CPHXL2: variants seen among roughly 807,000 people sequenced by gnomAD.
CPHXL2 encodes the protein cytoplasmic polyadenylated homeobox like 2.
the CPHXL2 span, among the ~76,000 whole-genome samples, chr16:75,661,945 TG>T: frequency 6.6e-6 from 1 of 152,140 alleles, no homozygotes; most frequent in East Asian, 1.9e-4. Context: ...ACCAGCTGGG[TG>T]TCCTCCAATT....
At chr16:75,661,200 C>G in the CPHXL2 span, 6 of 400,758 alleles carry the variant, frequency 1.5e-5, no homozygotes, top group East Asian at 1.4e-4. Flanking sequence ...AAGAAATATT[C>G]TTTGTCTTTC....
the CPHXL2 span, among the ~76,000 whole-genome samples, chr16:75,664,061 C>T: frequency 6.7e-4 from 102 of 152,248 alleles, no homozygotes; most frequent in Non-Finnish European, 1.2e-3. Flanking sequence ...ACTCTTTCAA[C>T]TAACTACCAA....
chr16:75,673,808 G>A, the CPHXL2 span, among the ~76,000 whole-genome samples: 1 of 151,100 alleles, frequency 6.6e-6, no homozygotes, highest in African/African-American at 2.4e-5. Context: ...GCAAAACCCT[G>A]TCTCTACCAA....
the CPHXL2 span, among the ~76,000 whole-genome samples, chr16:75,663,841 G>A: frequency 6.9e-6 from 1 of 144,488 alleles, no homozygotes; most frequent in Non-Finnish European, 1.5e-5. Context: ...AGCTGAGATC[G>A]TGCCACTGCA....
chr16:75,675,586 G>A, the CPHXL2 span, among the ~76,000 whole-genome samples: 2,253 of 152,230 alleles, frequency 0.015, 64 homozygotes, highest in African/African-American at 0.047. Flanking sequence ...AAACAGTGGT[G>A]AGCCACTGAG....
the CPHXL2 span, among the ~76,000 whole-genome samples, chr16:75,671,556 G>C: frequency 6.6e-6 from 1 of 152,056 alleles, no homozygotes; most frequent in Non-Finnish European, 1.5e-5. Context: ...CAGAGAGCAT[G>C]GCTTTTAGTC....
At chr16:75,671,338 A>T in the CPHXL2 span, among the ~76,000 whole-genome samples, 1 of 143,848 alleles carries the variant, frequency 7.0e-6, no homozygotes, top group Non-Finnish European at 1.5e-5. Flanking sequence ...CTCCAGCCTG[A>T]GTGATAGAGT....
the CPHXL2 span, among the ~76,000 whole-genome samples, chr16:75,665,537 C>A: frequency 3.3e-5 from 5 of 152,132 alleles, no homozygotes; most frequent in Non-Finnish European, 5.9e-5. Context: ...CCTTTTAAAG[C>A]ATAAATCTCA....
At chr16:75,665,963 T>C in the CPHXL2 span, among the ~76,000 whole-genome samples, 2 of 152,178 alleles carry the variant, frequency 1.3e-5, no homozygotes, top group Admixed American at 6.5e-5. Flanking sequence ...ATGGCCTAAG[T>C]GCTCCACTTA....
chr16:75,675,122 G>T, the CPHXL2 span, among the ~76,000 whole-genome samples: 1 of 150,078 alleles, frequency 6.7e-6, no homozygotes, highest in Non-Finnish European at 1.5e-5. Context: ...CCAGCAGGCA[G>T]AGGTTGCAGT....
At chr16:75,666,993 G>A in the CPHXL2 span, among the ~76,000 whole-genome samples, 6 of 151,992 alleles carry the variant, frequency 3.9e-5, no homozygotes, top group Admixed American at 2.0e-4. Flanking sequence ...TGGGTCAACA[G>A]TGAAATCAAG....
the CPHXL2 span, chr16:75,677,006 A>G: frequency 0.55 from 217,185 of 398,214 alleles, 66,670 homozygotes; most frequent in East Asian, 0.98. Context: ...ACATGTCGAA[A>G]CTCCAGTCCA....
the CPHXL2 span, among the ~76,000 whole-genome samples, chr16:75,664,269 TCTTAAC>T: frequency 2.6e-5 from 4 of 152,194 alleles, no homozygotes; most frequent in Admixed American, 2.6e-4. Flanking sequence ...ACAGGCATGT[TCTTAAC>T]CTTGACAAAA....
chr16:75,662,796 C>CTTTTTT, the CPHXL2 span, among the ~76,000 whole-genome samples: 1 of 123,162 alleles, frequency 8.1e-6, no homozygotes, highest in Non-Finnish European at 1.7e-5. Flanking sequence ...GGAGATAATT[C>CTTTTTT]TTTTTTTTTT....
the CPHXL2 span, among the ~76,000 whole-genome samples, chr16:75,664,949 A>T: frequency 6.6e-6 from 1 of 152,174 alleles, no homozygotes; most frequent in Non-Finnish European, 1.5e-5. Flanking sequence ...CAGCCTCCCT[A>T]ACTATAAGAA....
the CPHXL2 span, among the ~76,000 whole-genome samples, chr16:75,672,693 C>T: frequency 6.6e-6 from 1 of 152,070 alleles, no homozygotes; most frequent in Non-Finnish European, 1.5e-5. Flanking sequence ...CCATGTTGAC[C>T]AGGCTGGTTT....
At chr16:75,674,928 C>T in the CPHXL2 span, among the ~76,000 whole-genome samples, 287 of 151,684 alleles carry the variant, frequency 1.9e-3, 1 homozygote, top group Admixed American at 3.9e-3. Flanking sequence ...CGGTGGCTCA[C>T]GCCTGTAATC....
chr16:75,676,143 C>T, the CPHXL2 span, among the ~76,000 whole-genome samples: 1 of 152,092 alleles, frequency 6.6e-6, no homozygotes, highest in Non-Finnish European at 1.5e-5. Flanking sequence ...CTTCTCGCTC[C>T]ATCCAGGGGT....
chr16:75,663,709 C>A, the CPHXL2 span, among the ~76,000 whole-genome samples: 1 of 151,932 alleles, frequency 6.6e-6, no homozygotes, highest in East Asian at 1.9e-4. Flanking sequence ...TGGTGAAACC[C>A]TGTCTCTACT....
Sources: allele counts gnomAD v4.1 joint callset (sites outside exome capture counted in the v4.1 genomes callset), GRCh38; gene constraint gnomAD v4.1.1; transcripts MANE v1.5; gene names NCBI Gene and HGNC (gene_info 2026-07-23, HGNC 2026-07-21).